Variants in NECTIN2 observed in about 807,000 individuals in gnomAD.
NECTIN2 encodes nectin-2.
NECTIN2 carries 23 observed loss-of-function variants against 56.9 expected under a neutral mutation model. The observed-to-expected ratio is 0.40, with a 90% confidence interval of 0.29 to 0.57. The LOEUF (loss-of-function observed/expected upper bound fraction) is 0.57. Ranked by LOEUF, NECTIN2 falls within the 20% of genes least tolerant of loss-of-function variation. NECTIN2 has a pLI of 0.38. For missense variants in NECTIN2, 587 were observed against 718.3 expected (o/e 0.82, Z 2.09); for synonymous variants, 302 against 313.8 (o/e 0.96, Z 0.40).
intron 1 of NECTIN2, among the ~76,000 whole-genome samples, chr19:44,848,951 G>GTCC (rs1288898231): frequency 6.6e-6 from 1 of 152,118 alleles, no homozygotes; most frequent in African/African-American, 2.4e-5. Flanking sequence ...CCATCCGTGT[G>GTCC]TCCATGTCCG....
intron 1 of NECTIN2, among the ~76,000 whole-genome samples, chr19:44,853,194 C>T (rs1439325238): frequency 2.0e-5 from 3 of 151,840 alleles, no homozygotes; most frequent in Admixed American, 6.6e-5. Context: ...GGGGAACTTA[C>T]AGCAATGGGA....
rs1030068034 is a variant in NECTIN2, at chr19:44,879,150, G to A, written c.1043-3061G>A. ...TGGATGGCCGAGAACCGCAAGGCTC[G>A]TGCAACTAGGATTCAGGTCACTGGA... On this transcript the variant is annotated intron_variant, in intron 5 of 8. Coordinates refer to ENST00000252483, the MANE Select transcript of NECTIN2 (RefSeq NM_001042724.2). Among the ~76,000 whole-genome samples the A allele has an allele frequency of 1.4e-4, 22 of 152,202 alleles. No homozygotes were observed. In the East Asian group the frequency reaches 2.9e-3, roughly 20 times the overall value.
chr19:44,880,638 T>C (rs572491403), intron 5 of NECTIN2, among the ~76,000 whole-genome samples: 1 of 150,528 alleles, frequency 6.6e-6, no homozygotes, highest in East Asian at 2.0e-4. Context: ...CCTTTTTTTT[T>C]TTAAGAAGTG....
At position 44,868,782 on chromosome 19, in the gene NECTIN2, G is replaced by A. The variant is rs561778352; in HGVS notation, c.479-3071G>A. Among the ~76,000 whole-genome samples, 535 of 151,918 alleles carry A rather than the reference G, an allele frequency of 3.5e-3. 12 individuals carry two copies. Among genetic ancestry groups the A allele is most frequent in the Non-Finnish European group, 1.7e-3 (114 of 67,914 alleles). On this transcript the variant is annotated intron_variant, in intron 2 of 8. Transcript: ENST00000252483. ...CAAGAAATTAGCCAGGCGTGGTGGCGGGTGCCTTAGTCCCAGCTACTCGGG... is the reference window on the plus strand; with the variant it reads ...CAAGAAATTAGCCAGGCGTGGTGGCAGGTGCCTTAGTCCCAGCTACTCGGG...
intron 5 of NECTIN2, among the ~76,000 whole-genome samples, chr19:44,880,797 C>T (rs541212187): frequency 1.5e-3 from 210 of 140,678 alleles, no homozygotes; most frequent in Admixed American, 2.6e-3. Context: ...TTTTTTAAGA[C>T]GGAGTTTCAC....
chr19:44,854,769 C>A (rs143459034), intron 1 of NECTIN2, among the ~76,000 whole-genome samples: 1 of 151,704 alleles, frequency 6.6e-6, no homozygotes, highest in Non-Finnish European at 1.5e-5. Flanking sequence ...GCCCAGATTG[C>A]GCCACTGCAC....
At chr19:44,880,836 G>A (rs985975292) in intron 5 of NECTIN2, among the ~76,000 whole-genome samples, 4 of 149,786 alleles carry the variant, frequency 2.7e-5, no homozygotes, top group African/African-American at 7.4e-5. Context: ...GCAATGGCGC[G>A]ATCTTGGCTC....
In NECTIN2 at chr19:44,875,662, G is replaced by A. The variant is rs1969228637; in HGVS notation, c.1042+1184G>A. 6.6e-6 allele frequency among the ~76,000 whole-genome samples: 1 copy of A among 152,214 alleles called. No homozygotes were observed. The highest frequency in any genetic ancestry group is 2.4e-5 in the African/African-American group (1 of 41,456). On this transcript the variant is annotated intron_variant, in intron 5 of 8. Coordinates refer to ENST00000252483, the MANE Select transcript of NECTIN2 (RefSeq NM_001042724.2). This position sits in a 1 kb window ranked among gnomAD's most constrained non-coding sequence, Gnocchi z 4.2. ...CAGGCCCCCCAGAAACATGACTGAA[G>A]GTGTAGGGACAAACTCCCAGACAGG...
chr19:44,870,247 G>A (rs1206754497), intron 2 of NECTIN2, among the ~76,000 whole-genome samples: 1 of 152,186 alleles, frequency 6.6e-6, no homozygotes, highest in African/African-American at 2.4e-5. Context: ...GGCCAGGGGA[G>A]GTGGCCATGG....
At chr19:44,885,847 C>T (rs1282997478) in intron 6 of NECTIN2, 90 bp from the exon 7 acceptor site, 8 of 1,061,614 alleles carry the variant, frequency 7.5e-6, no homozygotes, top group Non-Finnish European at 1.0e-5. Flanking sequence ...AAAGGGAGAC[C>T]CAGGTAGAGG....
At chr19:44,853,816 G>A (rs1968931229) in intron 1 of NECTIN2, among the ~76,000 whole-genome samples, 1 of 152,148 alleles carries the variant, frequency 6.6e-6, no homozygotes, top group Non-Finnish European at 1.5e-5. Flanking sequence ...TCGTTATTCA[G>A]CAAGTACTGA....
rs1473352674 is a variant in NECTIN2 at position 44,865,123 on chromosome 19, G to C, written c.89-148G>C. The C allele has an allele frequency of 2.7e-6, 2 of 753,562 alleles. No individual in the cohort carries two copies. Among genetic ancestry groups the C allele is most frequent in the East Asian group, 5.1e-5 (2 of 38,840 alleles). The allele number at this position is 753,562 out of a possible 1,614,324, so 46.7% of individuals were successfully genotyped here. On this transcript the variant is annotated intron_variant, in intron 1 of 8. Coordinates refer to ENST00000252483, the MANE Select transcript of NECTIN2 (RefSeq NM_001042724.2). This position sits in a 1 kb window ranked among gnomAD's most constrained non-coding sequence, Gnocchi z 5.2. ...TTCCCTAAAATGTCTTTTCCAGGTG[G>C]CTTTTTTGGAATCAGGATGCTGCGA...
In NECTIN2 at chr19:44,874,005, C is replaced by A. The variant is rs1321960045; in HGVS notation, c.865C>A (p.Pro289Thr). 6.2e-7 allele frequency: 1 copy of A among 1,613,732 alleles called. No homozygotes were observed. The highest frequency in any genetic ancestry group is 8.5e-7 in the Non-Finnish European group (1 of 1,179,932). The change falls in exon 4 of 9, where the codon CCA becomes ACA. Residue 289 changes from proline (P) to threonine (T), a missense_variant. Pro to Thr is a conservative substitution (Grantham distance 38). Coordinates refer to ENST00000252483, the MANE Select transcript of NECTIN2 (RefSeq NM_001042724.2). This position sits in a 1 kb window ranked among gnomAD's most constrained non-coding sequence, Gnocchi z 6.3. ...CCTGAGCTGTGACGTCCGCAGCAAC[C>A]CAGAGCCCACGGGCTATGACTGGAG... The part of the protein sequence containing the change: ...ATLSCDVRSN[P>T]EPTGYDWSTT...
chr19:44,853,748 A>C (rs1968930229), intron 1 of NECTIN2, among the ~76,000 whole-genome samples: 1 of 152,164 alleles, frequency 6.6e-6, no homozygotes. Context: ...CGGCCTCCCA[A>C]AGTGTTGGAA....
rs756840122 is a variant in NECTIN2, at chr19:44,874,335, C to T, written c.899C>T (p.Ser300Leu). ...EPTGYDWSTTSGTFPTSAVAQ... is the reference protein window; with the variant it reads ...EPTGYDWSTTLGTFPTSAVAQ... ...CTGACCCCACACCCCTCCAGGACCT[C>T]AGGCACCTTCCCGACCTCCGCAGTG... Residue 300 changes from serine (S) to leucine (L), a missense_variant, in exon 5 of 9, where the codon TCA (serine) becomes TTA (leucine). Coordinates refer to ENST00000252483, the MANE Select transcript of NECTIN2 (RefSeq NM_001042724.2). This position sits in a 1 kb window ranked among gnomAD's most constrained non-coding sequence, Gnocchi z 6.3. 7.4e-5 allele frequency: 120 copies of T among 1,614,016 alleles called. No homozygotes were observed. The Admixed American group carries it at 2.0e-3, about 27-fold the overall frequency.
At chr19:44,851,989 C>T (rs537097294) in intron 1 of NECTIN2, among the ~76,000 whole-genome samples, 1 of 152,338 alleles carries the variant, frequency 6.6e-6, no homozygotes, top group East Asian at 1.9e-4. Flanking sequence ...ACCGCTGGTC[C>T]TGCTTTCCCA....
intron 1 of NECTIN2, among the ~76,000 whole-genome samples, chr19:44,847,574 G>C (rs1353888230): frequency 6.6e-6 from 1 of 152,166 alleles, no homozygotes; most frequent in Non-Finnish European, 1.5e-5. Flanking sequence ...TCTTGAGGCT[G>C]GAGTCTCAGT....
chr19:44,873,944 T>C lies in NECTIN2; in HGVS notation c.804T>C (p.Tyr268=), dbSNP rs760967889. Residue 268 remains tyrosine, a synonymous_variant, in exon 4 of 9, where the codon TAT becomes TAC. Transcript: ENST00000252483. ...RYPPEVSISG[Y]DDNWYLGRTD... is the part of the protein sequence containing the mutation. The stretch of plus-strand genomic sequence containing the variant: ...CTCCTGAAGTGTCCATCTCCGGCTA[T>C]GATGACAACTGGTACCTCGGCCGTA... 1 of 1,614,092 alleles carries C rather than the reference T, an allele frequency of 6.2e-7. No homozygotes were observed. The highest frequency in any genetic ancestry group is 8.5e-7 in the Non-Finnish European group (1 of 1,179,972).
rs189926765 is a variant in NECTIN2, at chr19:44,884,131, T to G, written c.1196+1767T>G. 5.3e-5 allele frequency among the ~76,000 whole-genome samples: 8 copies of G among 149,926 alleles called. No homozygotes were observed. The East Asian group carries it at 1.6e-3, about 29-fold the overall frequency. On this transcript the variant is annotated intron_variant, in intron 6 of 8. Transcript: ENST00000252483. ...TAAAAAAAAAAAAAGAAAAGAAAAA[T>G]AGCTCAGAGCAGTCTGAGGTATGCG...
Sources: allele counts gnomAD v4.1 joint callset (sites outside exome capture counted in the v4.1 genomes callset), GRCh38; gene constraint gnomAD v4.1.1; non-coding constraint Gnocchi (gnomAD v3.1); transcripts MANE v1.5; gene names NCBI Gene and HGNC (gene_info 2026-07-23, HGNC 2026-07-21).